Variants in DCHS2 observed in about 807,000 individuals in gnomAD.
The protein encoded by DCHS2 is dachsous cadherin-related 2, also known as protocadherin-23.
DCHS2 carries 142 observed loss-of-function variants against 182.4 expected under a neutral mutation model. That is an observed-to-expected ratio of 0.78 (90% confidence interval 0.68 to 0.89). The LOEUF (loss-of-function observed/expected upper bound fraction) is 0.89, where lower values mean the gene tolerates loss of function less well. Among genes scored for constraint, DCHS2 ranks in the 40% least tolerant of loss-of-function variants. The probability of loss-of-function intolerance (pLI) is 0.00; values close to 1 mark genes in which losing one functional copy is unlikely to be tolerated. For synonymous variants in DCHS2, 1,740 were observed against 1,663.3 expected (o/e 1.05, Z -1.12); for missense variants, 4,319 against 4,198.6 (o/e 1.03, Z -0.79).
intron 1 of DCHS2, among the ~76,000 whole-genome samples, chr4:154,488,021 T>C (rs1728648158): frequency 6.6e-6 from 1 of 152,146 alleles, no homozygotes; most frequent in Non-Finnish European, 1.5e-5. Flanking sequence ...CTACACATTA[T>C]TTAAAAATTA....
At chr4:154,325,774 T>C (rs577337843) in intron 7 of DCHS2, among the ~76,000 whole-genome samples, 1 of 152,298 alleles carries the variant, frequency 6.6e-6, no homozygotes, top group Non-Finnish European at 1.5e-5. Flanking sequence ...ATGGTTTATA[T>C]GGGCATAGAA....
intron 1 of DCHS2, among the ~76,000 whole-genome samples, chr4:154,477,447 C>T (rs934979246): frequency 9.9e-5 from 15 of 152,118 alleles, no homozygotes; most frequent in African/African-American, 2.9e-4. Context: ...AGAAAAAGCA[C>T]GGTGCCTTTT....
Position 154,232,949 on chromosome 4 carries a change from A to AAAT in DCHS2, c.*1584_*1586dup, listed in dbSNP as rs766591424. ...TCAGTCAGCATAGATAGATAATAGA[A>AAAT]AATATCAGCATAGGAAGCTGTAGAA... On this transcript the variant is annotated 3_prime_UTR_variant, in exon 20 of 20. Coordinates refer to ENST00000357232, the MANE Select transcript of DCHS2 (RefSeq NM_001358235.2). The AAAT allele has an allele frequency of 7.2e-5, 11 of 152,308 alleles. No individual in the cohort carries two copies. Among genetic ancestry groups the AAAT allele is most frequent in the Middle Eastern group, 3.4e-3 (1 of 294 alleles). 9.4% of individuals were successfully genotyped at this position (152,308 alleles called of 1,614,324 possible). A position where few individuals can be genotyped will look rare whatever the true frequency, so the allele number is the denominator to read the frequency against.
At chr4:154,439,381 C>A (rs10014536) in intron 1 of DCHS2, among the ~76,000 whole-genome samples, 1 of 151,914 alleles carries the variant, frequency 6.6e-6, no homozygotes, top group South Asian at 2.1e-4. Flanking sequence ...TTTCCCATAC[C>A]GTTTATATTT....
At chr4:154,275,204 CT>C (rs1389049353) in intron 13 of DCHS2, among the ~76,000 whole-genome samples, 1 of 151,996 alleles carries the variant, frequency 6.6e-6, no homozygotes, top group African/African-American at 2.4e-5. Flanking sequence ...GTGATATTGC[CT>C]GCAAAACTGA....
At chr4:154,367,855 A>G (rs28725381) in intron 2 of DCHS2, among the ~76,000 whole-genome samples, 2,807 of 152,194 alleles carry the variant, frequency 0.018, 80 homozygotes, top group African/African-American at 0.061. Flanking sequence ...TGACAGGGAG[A>G]GAGGGAGGGC....
At chr4:154,412,948 G>C (rs936369454) in intron 1 of DCHS2, among the ~76,000 whole-genome samples, 4 of 152,118 alleles carry the variant, frequency 2.6e-5, no homozygotes, top group Middle Eastern at 3.2e-3. Context: ...GAAAAGCACA[G>C]AAGTAAGAAG....
rs763548335 is a variant in DCHS2 at position 154,490,564 on chromosome 4, C to T, written c.792G>A (p.Leu264=). ...GGCCGCCGTCCCATGCCTCGATCTG[C>T]AGCCGGTGCGCCGCCGCCTCCTCTC... The part of the protein sequence containing the change: ...LDREEAAAHR[L]QIEAWDGGRP... Residue 264 remains leucine, a synonymous_variant, in exon 1 of 20, where the codon CTG becomes CTA. Transcript: ENST00000357232. The T allele has an allele frequency of 2.7e-5, 41 of 1,542,212 alleles. No individual in the cohort carries two copies. Among genetic ancestry groups the T allele is most frequent in the Non-Finnish European group, 3.6e-5 (41 of 1,146,148 alleles).
At chr4:154,413,536 C>T (rs1348624878) in intron 1 of DCHS2, among the ~76,000 whole-genome samples, 5 of 152,222 alleles carry the variant, frequency 3.3e-5, no homozygotes, top group Non-Finnish European at 7.3e-5. Flanking sequence ...GAGCCACATG[C>T]TCCACCTTTC....
intron 3 of DCHS2, among the ~76,000 whole-genome samples, chr4:154,343,943 A>C (rs1397128209): frequency 6.6e-6 from 1 of 152,272 alleles, no homozygotes; most frequent in East Asian, 1.9e-4. Flanking sequence ...AAAGAGAGAG[A>C]TATGCCACTC....
intron 12 of DCHS2, among the ~76,000 whole-genome samples, chr4:154,301,495 T>C (rs1735192607): frequency 6.6e-6 from 1 of 152,100 alleles, no homozygotes; most frequent in South Asian, 2.1e-4. Flanking sequence ...TTTATTTATT[T>C]ATTTATTTAT....
At chr4:154,238,659 A>AGTG (rs1731651883) in intron 19 of DCHS2, among the ~76,000 whole-genome samples, 1 of 152,204 alleles carries the variant, frequency 6.6e-6, no homozygotes, top group South Asian at 2.1e-4. Flanking sequence ...AAAACACCAC[A>AGTG]GTGGTTTCCA....
chr4:154,266,701 T>C (rs946838849), intron 14 of DCHS2, among the ~76,000 whole-genome samples: 1 of 151,952 alleles, frequency 6.6e-6, no homozygotes, highest in Non-Finnish European at 1.5e-5. Context: ...ATCAAAGTGT[T>C]GGTACAGAGG....
intron 1 of DCHS2, among the ~76,000 whole-genome samples, chr4:154,405,290 T>C (rs1732353532): frequency 6.6e-6 from 1 of 151,780 alleles, no homozygotes; most frequent in Non-Finnish European, 1.5e-5. Context: ...TAAAATTTTA[T>C]CTTTATCTTT....
At chr4:154,303,502 A>AC (rs1735302204) in intron 12 of DCHS2, among the ~76,000 whole-genome samples, 1 of 151,396 alleles carries the variant, frequency 6.6e-6, no homozygotes, top group East Asian at 1.9e-4. Context: ...AAAAAAAAAA[A>AC]AAGCTGAAGA....
chr4:154,322,292 C>T, intron 8 of DCHS2, 39 bp downstream of exon 8: 2 of 1,610,210 alleles, frequency 1.2e-6, no homozygotes, highest in Non-Finnish European at 1.7e-6. Context: ...CAAATGAAAT[C>T]TTTAGATGTC....
intron 13 of DCHS2, among the ~76,000 whole-genome samples, chr4:154,297,418 G>C (rs10010245): frequency 0.076 from 11,617 of 152,138 alleles, 1,103 homozygotes; most frequent in African/African-American, 0.22. Flanking sequence ...GTATCTATAG[G>C]CTTTTTTATG....
At chr4:154,380,029 TGC>T (rs1731098437) in intron 1 of DCHS2, among the ~76,000 whole-genome samples, 1 of 152,146 alleles carries the variant, frequency 6.6e-6, no homozygotes, top group Non-Finnish European at 1.5e-5. Context: ...GAGATACTGC[TGC>T]AATGTATTAT....
At chr4:154,285,516 A>G (rs909624587) in intron 13 of DCHS2, among the ~76,000 whole-genome samples, 1 of 152,146 alleles carries the variant, frequency 6.6e-6, no homozygotes, top group African/African-American at 2.4e-5. Flanking sequence ...TTGAAGGGAG[A>G]GTTCCAGGCC....
Sources: gnomAD v4.1 joint callset for allele counts (sites outside exome capture counted in the v4.1 genomes callset) on GRCh38, gnomAD v4.1.1 for gene constraint, MANE v1.5 for transcripts, NCBI Gene and HGNC (gene_info 2026-07-23, HGNC 2026-07-21) for gene names.